Variants in CFAP92 observed in about 807,000 individuals in gnomAD.
CFAP92 encodes cilia and flagella associated protein 92 (putative).
CFAP92 carries 86 observed loss-of-function variants against 106.3 expected under a neutral mutation model. The observed-to-expected ratio is 0.81, with a 90% confidence interval of 0.68 to 0.97. CFAP92 has a LOEUF of 0.97. Among genes scored for constraint, CFAP92 ranks in the 50% least tolerant of loss-of-function variants. The probability of loss-of-function intolerance (pLI) is 0.00; values close to 1 mark genes in which losing one functional copy is unlikely to be tolerated. For missense variants in CFAP92, 1,204 were observed against 1,283.8 expected, an observed-to-expected ratio of 0.94 and a Z score of 0.95; for synonymous variants, 477 against 506.4, an observed-to-expected ratio of 0.94 and a Z score of 0.78.
chr3:128,941,595 G>A (rs1939639306), intron 10 of CFAP92, among the ~76,000 whole-genome samples: 1 of 152,078 alleles, frequency 6.6e-6, no homozygotes, highest in Non-Finnish European at 1.5e-5. Context: ...TCCTGCCTCA[G>A]CCTCCCAAGT....
chr3:128,999,136 G>A (rs1559947802), intron 1 of CFAP92, among the ~76,000 whole-genome samples: 1 of 152,072 alleles, frequency 6.6e-6, no homozygotes. Context: ...CTTTGCCACA[G>A]CCCTGACTCT....
intron 15 of CFAP92, chr3:128,912,468 G>A (rs1168211127): frequency 2.5e-6 from 4 of 1,572,430 alleles, no homozygotes; most frequent in Non-Finnish European, 3.5e-6. Context: ...TTATCACGGT[G>A]CAGAAAGATC....
chr3:128,971,298 G>A lies in CFAP92; in HGVS notation c.1157C>T (p.Pro386Leu), dbSNP rs763819288. The A allele has an allele frequency of 3.7e-6, 6 of 1,613,610 alleles. No homozygotes were observed. The highest frequency in any genetic ancestry group is 1.6e-4 in the Middle Eastern group (1 of 6,082). ...CAAGCAGTGGGTACCGGCAAGGAGCGGCATGACGGCCAGCTGGATGGAGAA... is the reference window on the plus strand; with the variant it reads ...CAAGCAGTGGGTACCGGCAAGGAGCAGCATGACGGCCAGCTGGATGGAGAA... ...SAFSIQLAVM[P>L]LLAGWQTVVS... The change falls in exon 8 of 16, where the codon CCG becomes CTG. Residue 386 changes from proline to leucine, a missense_variant. Transcript: ENST00000645291.
At chr3:128,992,704 A>G (rs1195522777) in intron 2 of CFAP92, among the ~76,000 whole-genome samples, 2 of 152,032 alleles carry the variant, frequency 1.3e-5, no homozygotes, top group Non-Finnish European at 2.9e-5. Context: ...ACTCCCGGAA[A>G]ATGTATTTTA....
At chr3:128,941,922 G>A (rs976891261) in intron 10 of CFAP92, among the ~76,000 whole-genome samples, 3 of 152,160 alleles carry the variant, frequency 2.0e-5, no homozygotes, top group Non-Finnish European at 1.5e-5. Flanking sequence ...TCTGGTTAAT[G>A]ATTTGTGTTT....
chr3:128,921,482 T>C (rs1937277469), intron 12 of CFAP92, among the ~76,000 whole-genome samples: 1 of 152,262 alleles, frequency 6.6e-6, no homozygotes, highest in South Asian at 2.1e-4. Context: ...AGGCTTGCGA[T>C]GGCATTGGAG....
chr3:128,930,621 T>G (rs1275824751), intron 12 of CFAP92, among the ~76,000 whole-genome samples: 6 of 151,876 alleles, frequency 4.0e-5, no homozygotes, highest in African/African-American at 1.4e-4. Context: ...CATGGTGGTG[T>G]GTGCCTGTAA....
At chr3:128,932,641 G>C (rs1938524646) in intron 12 of CFAP92, 59 bp downstream of exon 12, 1 of 1,461,672 alleles carries the variant, frequency 6.8e-7, no homozygotes, top group African/African-American at 1.4e-5. Context: ...CTCTCAGCAG[G>C]CGCCTGGACC....
chr3:128,915,835 A>G (rs1235172016), intron 13 of CFAP92: 1 of 486,300 alleles, frequency 2.1e-6, no homozygotes, highest in Non-Finnish European at 3.6e-6. Context: ...CAGCAATCAT[A>G]AAGTGTTCCC....
At position 128,945,204 on chromosome 3, in the gene CFAP92, C is replaced by A. The variant is rs768405049; in HGVS notation, c.2125G>T (p.Val709Leu). 39 of 1,536,058 alleles carry A rather than the reference C, an allele frequency of 2.5e-5. No homozygotes were observed. Among genetic ancestry groups the A allele is most frequent in the Non-Finnish European group, 3.4e-5 (39 of 1,146,934 alleles). ...QQILSAFKVR[V>L]RVQEQQHLDV... ...AGGTGCTGCTGCTCCTGGACCCGCACACGCACCTTGAAGGCTGACAGGATC... is the reference window on the plus strand; with the variant it reads ...AGGTGCTGCTGCTCCTGGACCCGCAAACGCACCTTGAAGGCTGACAGGATC... Residue 709 changes from valine to leucine, a missense_variant, in exon 10 of 16, where the codon GTG (valine) becomes TTG (leucine). By Grantham distance (32) the Val-to-Leu change is conservative. Coordinates refer to ENST00000645291, the MANE Select transcript of CFAP92 (RefSeq NM_001394090.1).
upstream of CFAP92, among the ~76,000 whole-genome samples, chr3:128,996,585 C>G (rs1944487307): frequency 6.6e-6 from 1 of 152,174 alleles, no homozygotes; most frequent in African/African-American, 2.4e-5. Flanking sequence ...GCTGGCAGAT[C>G]AGAAGCAAAG....
At chr3:128,918,940 A>ATTTTTTTTTTTTT (rs10573280) in intron 12 of CFAP92, among the ~76,000 whole-genome samples, 4 of 105,870 alleles carry the variant, frequency 3.8e-5, no homozygotes, top group African/African-American at 1.1e-4. Context: ...CTCAGATTGG[A>ATTTTTTTTTTTTT]TTTTTTTTTT....
chr3:128,939,263 C>T (rs1045783551), intron 10 of CFAP92, among the ~76,000 whole-genome samples: 10 of 151,960 alleles, frequency 6.6e-5, no homozygotes, highest in African/African-American at 1.2e-4. Context: ...CTCAGCCTCC[C>T]GAGTAGCTGG....
intron 12 of CFAP92, among the ~76,000 whole-genome samples, chr3:128,930,978 C>T (rs186386662): frequency 6.6e-6 from 1 of 152,180 alleles, no homozygotes; most frequent in Admixed American, 6.5e-5. Context: ...GCGATCTTGG[C>T]TCACTGCAAC....
chr3:128,944,039 C>T (rs1939955012), intron 10 of CFAP92, among the ~76,000 whole-genome samples: 1 of 150,710 alleles, frequency 6.6e-6, no homozygotes, highest in Admixed American at 6.6e-5. Flanking sequence ...AAGTGATTCT[C>T]CCACCTTGGC....
chr3:129,026,331 T>A, the CFAP92 span, among the ~76,000 whole-genome samples: 1 of 151,976 alleles, frequency 6.6e-6, no homozygotes, highest in South Asian at 2.1e-4. Flanking sequence ...CTCATTTTGC[T>A]TGTTGAAACC....
intron 2 of CFAP92, 75 bp downstream of exon 2, chr3:128,992,968 T>C: frequency 1.3e-6 from 2 of 1,549,054 alleles, no homozygotes; most frequent in Non-Finnish European, 1.8e-6. Flanking sequence ...GTGGGGTGTA[T>C]GCGCCCTAAA....
upstream of CFAP92, among the ~76,000 whole-genome samples, chr3:128,998,374 A>C (rs1459616521): frequency 6.6e-6 from 1 of 152,198 alleles, no homozygotes; most frequent in African/African-American, 2.4e-5. Context: ...TTTGACTAAC[A>C]ACAGGCCTAT....
intron 8 of CFAP92, chr3:128,967,680 CAACAAGAGCAA>C (rs1402245816): frequency 7.6e-6 from 1 of 132,388 alleles, no homozygotes; most frequent in Non-Finnish European, 1.6e-5. Flanking sequence ...CCAGCCTGGG[CAACAAGAGCAA>C]AACTCCGTCT....
Sources: allele counts gnomAD v4.1 joint callset (sites outside exome capture counted in the v4.1 genomes callset), GRCh38; gene constraint gnomAD v4.1.1; transcripts MANE v1.5; gene names NCBI Gene and HGNC (gene_info 2026-07-23, HGNC 2026-07-21).